Variants in LOC102723971 observed in about 807,000 individuals in gnomAD.
chr9:135,614,579 T>C, the LOC102723971 span, among the ~76,000 whole-genome samples: 2 of 152,238 alleles, frequency 1.3e-5, no homozygotes, highest in Non-Finnish European at 2.9e-5. Context: ...CTCGGGGCCT[T>C]TCCCTCTCTC....
At chr9:135,614,912 G>A in the LOC102723971 span, among the ~76,000 whole-genome samples, 1 of 152,146 alleles carries the variant, frequency 6.6e-6, no homozygotes, top group Non-Finnish European at 1.5e-5. Flanking sequence ...ACCAGGCAGA[G>A]GCAGGGGTGC....
the LOC102723971 span, chr9:135,614,321 C>T: frequency 2.5e-6 from 1 of 398,670 alleles, no homozygotes; most frequent in Non-Finnish European, 4.4e-6. Context: ...GGAAGAGGTA[C>T]CGGTACAGCC....
At chr9:135,616,755 AG>A in the LOC102723971 span, 6 of 398,224 alleles carry the variant, frequency 1.5e-5, no homozygotes, top group African/African-American at 1.0e-4. Context: ...AACACTCAGA[AG>A]GGGTTGTCGG....
At chr9:135,615,596 C>A in the LOC102723971 span, 42 of 398,060 alleles carry the variant, frequency 1.1e-4, no homozygotes, top group East Asian at 1.3e-3. Context: ...GAACACATCA[C>A]ACCAAGCTGA....
the LOC102723971 span, chr9:135,618,062 G>A: frequency 5.0e-6 from 2 of 398,592 alleles, no homozygotes; most frequent in Non-Finnish European, 8.8e-6. Flanking sequence ...CTGTCCCCCA[G>A]CCACATCCTG....
chr9:135,615,188 C>T, the LOC102723971 span, among the ~76,000 whole-genome samples: 3 of 152,264 alleles, frequency 2.0e-5, no homozygotes, highest in Admixed American at 6.5e-5. Context: ...GCTACACAGC[C>T]GGGCACTAGC....
the LOC102723971 span, among the ~76,000 whole-genome samples, chr9:135,618,599 C>T: frequency 2.6e-5 from 4 of 151,738 alleles, no homozygotes; most frequent in African/African-American, 7.3e-5. Flanking sequence ...GAGCACGGGC[C>T]GCCAGGGTGG....
the LOC102723971 span, chr9:135,614,322 C>T: frequency 1.3e-5 from 5 of 398,558 alleles, no homozygotes; most frequent in South Asian, 1.3e-4. Context: ...GAAGAGGTAC[C>T]GGTACAGCCG....
chr9:135,615,009 A>C, the LOC102723971 span, among the ~76,000 whole-genome samples: 6 of 152,184 alleles, frequency 3.9e-5, no homozygotes, highest in African/African-American at 1.2e-4. Flanking sequence ...TCTTCCCAAG[A>C]AGTAAGCACA....
chr9:135,614,244 C>T, the LOC102723971 span: 1 of 398,512 alleles, frequency 2.5e-6, no homozygotes, highest in African/African-American at 2.1e-5. Context: ...GGAGCCATGG[C>T]CCTGGAGAAA....
At chr9:135,615,757 C>T in the LOC102723971 span, among the ~76,000 whole-genome samples, 15 of 152,184 alleles carry the variant, frequency 9.9e-5, no homozygotes, top group African/African-American at 3.1e-4. Flanking sequence ...GAAGGAAGCC[C>T]GGGTCTGGAG....
At chr9:135,618,406 G>C in the LOC102723971 span, among the ~76,000 whole-genome samples, 1 of 151,934 alleles carries the variant, frequency 6.6e-6, no homozygotes, top group Non-Finnish European at 1.5e-5. Flanking sequence ...CAATCAACAA[G>C]CACACGGGCC....
At chr9:135,614,231 C>T in the LOC102723971 span, 1 of 398,574 alleles carries the variant, frequency 2.5e-6, no homozygotes, top group Non-Finnish European at 4.4e-6. Flanking sequence ...CTCCCCCTTC[C>T]CCGGAGCCAT....
At chr9:135,614,598 G>A in the LOC102723971 span, among the ~76,000 whole-genome samples, 5 of 152,178 alleles carry the variant, frequency 3.3e-5, no homozygotes, top group African/African-American at 7.2e-5. Flanking sequence ...TCCGGGCTGC[G>A]GAAGCTACAG....
the LOC102723971 span, chr9:135,615,304 G>A: frequency 5.0e-6 from 2 of 396,928 alleles, no homozygotes; most frequent in Non-Finnish European, 8.9e-6. Context: ...CATGTGGAGG[G>A]AGTGCCACAC....
chr9:135,618,843 G>A, the LOC102723971 span: 172 of 398,592 alleles, frequency 4.3e-4, 1 homozygote, highest in African/African-American at 3.3e-3. Flanking sequence ...TGGCTGTTTT[G>A]TGCTATGTGA....
the LOC102723971 span, chr9:135,615,589 C>T: frequency 2.5e-6 from 1 of 398,036 alleles, no homozygotes; most frequent in Non-Finnish European, 4.4e-6. Flanking sequence ...GCCAGAGGAA[C>T]ACATCACACC....
the LOC102723971 span, chr9:135,615,552 C>A: frequency 5.0e-6 from 2 of 398,670 alleles, no homozygotes; most frequent in Non-Finnish European, 8.8e-6. Flanking sequence ...ACCTAGGGAC[C>A]CCCAAGCAAC....
At chr9:135,616,696 G>T in the LOC102723971 span, 1 of 398,742 alleles carries the variant, frequency 2.5e-6, no homozygotes, top group Non-Finnish European at 4.4e-6. Context: ...GCTGGGCTCT[G>T]AGTGGGGAGG....
Sources: gnomAD v4.1 joint callset for allele counts (sites outside exome capture counted in the v4.1 genomes callset) on GRCh38, gnomAD v4.1.1 for gene constraint, MANE v1.5 for transcripts.